The following DMXL2 variants were observed in gnomAD, a reference collection of about 807,000 sequenced individuals.
DMXL2 encodes the protein dmX-like protein 2.
Under a neutral mutation model 331.1 loss-of-function variants are expected in DMXL2, and 103 were observed. That is an observed-to-expected ratio of 0.31 (90% CI 0.27 to 0.37). The LOEUF is 0.37. Ranked by LOEUF, DMXL2 falls within the 10% of genes least tolerant of loss-of-function variation. The pLI is 1.00. For missense variants in DMXL2, 3,171 were observed against 3,642.9 expected, an observed-to-expected ratio of 0.87 and a Z score of 3.33; for synonymous variants, 1,281 against 1,252.1, an observed-to-expected ratio of 1.02 and a Z score of -0.49.
intron 23 of DMXL2, among the ~76,000 whole-genome samples, chr15:51,485,471 A>T (rs2042323889): frequency 6.6e-6 from 1 of 152,236 alleles, no homozygotes; most frequent in Admixed American, 6.5e-5. Flanking sequence ...TGTTTGTACA[A>T]CATACATATG....
At position 51,488,217 on chromosome 15, in the gene DMXL2, AAAG is replaced by A. The variant is rs554990148; in HGVS notation, c.5052-101_5052-99del. 6.0e-5 allele frequency: 68 copies of A among 1,131,342 alleles called. 1 individual carries two copies. The African/African-American group carries it at 8.6e-4, about 14-fold the overall frequency. 70.1% of individuals were successfully genotyped at this position (1,131,342 alleles called of 1,614,324 possible). ...AATAAAAACCTCAAACAGAAATCTA[AAAG>A]AAGAACAATAACTTCAAGGACAGGC... On this transcript the variant is annotated intron_variant, in intron 21 of 43. Transcript: ENST00000560891.
intron 6 of DMXL2, among the ~76,000 whole-genome samples, chr15:51,556,025 C>T (rs2049544324): frequency 6.6e-6 from 1 of 152,188 alleles, no homozygotes; most frequent in African/African-American, 2.4e-5. Flanking sequence ...GAATCTCACT[C>T]TAACACATAA....
chr15:51,622,431 T>C (rs1595798635), intron 1 of DMXL2, 28 bp downstream of exon 1: 1 of 1,551,734 alleles, frequency 6.4e-7, no homozygotes. Flanking sequence ...CCTGGTATCT[T>C]CCCCTAGGGC....
intron 6 of DMXL2, among the ~76,000 whole-genome samples, chr15:51,548,927 T>A (rs2049040996): frequency 6.6e-6 from 1 of 152,052 alleles, no homozygotes; most frequent in South Asian, 2.1e-4. Context: ...CTTTTTTTTT[T>A]AAGTTCACTT....
chr15:51,449,272 C>G lies in DMXL2; in HGVS notation c.8968-79G>C, dbSNP rs1035150487. ...AACATGGCCCTTCTGCTCCCTTGGCCCAAGTGATCTCACTAAAGCCCAACC... is the reference window on the plus strand; with the variant it reads ...AACATGGCCCTTCTGCTCCCTTGGCGCAAGTGATCTCACTAAAGCCCAACC... On this transcript the variant is annotated intron_variant, in intron 43 of 43. Transcript: ENST00000560891. The G allele has an allele frequency of 1.1e-5, 16 of 1,434,002 alleles. No homozygotes were observed. In the African/African-American group the frequency reaches 2.1e-4, roughly 19 times the overall value. 88.8% of individuals were successfully genotyped at this position (1,434,002 alleles called of 1,614,324 possible).
At chr15:51,578,630 C>T (rs1220533111) in intron 1 of DMXL2, among the ~76,000 whole-genome samples, 1 of 152,066 alleles carries the variant, frequency 6.6e-6, no homozygotes, top group African/African-American at 2.4e-5. Context: ...TACAATATAC[C>T]TTTTGATCAA....
chr15:51,613,120 T>C (rs1254463027), intron 1 of DMXL2, among the ~76,000 whole-genome samples: 1 of 152,226 alleles, frequency 6.6e-6, no homozygotes, highest in African/African-American at 2.4e-5. Context: ...AGATTTCATA[T>C]TGTTTAAACA....
At chr15:51,600,457 G>C (rs11070860) in intron 1 of DMXL2, among the ~76,000 whole-genome samples, 1 of 151,870 alleles carries the variant, frequency 6.6e-6, no homozygotes, top group African/African-American at 2.4e-5. Context: ...CTGGACCCCA[G>C]TAAAGGCTTT....
intron 42 of DMXL2, 102 bp from the exon 43 acceptor site, chr15:51,450,448 T>G: frequency 1.8e-6 from 2 of 1,088,386 alleles, no homozygotes; most frequent in Non-Finnish European, 2.7e-6. Context: ...TGATGCATTT[T>G]TCATTCTAAG....
At chr15:51,580,687 G>A (rs1045879730) in intron 1 of DMXL2, among the ~76,000 whole-genome samples, 2 of 152,106 alleles carry the variant, frequency 1.3e-5, no homozygotes, top group African/African-American at 4.8e-5. Flanking sequence ...CATTCATGTG[G>A]GAGGATTTGT....
chr15:51,469,335 T>C (rs1023928644), intron 29 of DMXL2, among the ~76,000 whole-genome samples: 2 of 152,180 alleles, frequency 1.3e-5, no homozygotes, highest in African/African-American at 2.4e-5. Context: ...AGCTACATGA[T>C]GGTAGATAAA....
chr15:51,542,639 T>A (rs1374327295), intron 8 of DMXL2, 132 bp from the exon 9 acceptor site: 4 of 624,860 alleles, frequency 6.4e-6, no homozygotes, highest in South Asian at 2.9e-5. Context: ...GGAAACTTTT[T>A]AAATTACAGT....
chr15:51,553,916 A>G (rs2049384051), intron 6 of DMXL2, among the ~76,000 whole-genome samples: 2 of 152,206 alleles, frequency 1.3e-5, no homozygotes, highest in African/African-American at 4.8e-5. Flanking sequence ...TGGAGACTCA[A>G]AAGTTAGACA....
At chr15:51,454,710 T>G (rs1304084613) in intron 40 of DMXL2, among the ~76,000 whole-genome samples, 2 of 152,178 alleles carry the variant, frequency 1.3e-5, no homozygotes, top group Non-Finnish European at 2.9e-5. Context: ...TTGGTCAGGC[T>G]GGTCTCGAAC....
rs1048182261 is a variant in DMXL2 at position 51,516,691 on chromosome 15, A to G, written c.2526+387T>C. Among the ~76,000 whole-genome samples, 4 of 152,340 alleles carry G rather than the reference A, an allele frequency of 2.6e-5. No homozygotes were observed. In the South Asian group the frequency reaches 6.2e-4, roughly 24 times the overall value. On this transcript the variant is annotated intron_variant, in intron 14 of 43. Transcript: ENST00000560891. ...GGGGTACAAGTGGTTTTTTTGTTAC[A>G]TGGATGAACTAGTAGTGAATTCTGA...
Position 51,500,209 on chromosome 15 carries a change from A to C in DMXL2, c.3015T>G (p.Ile1005Met). The C allele has an allele frequency of 6.2e-7, 1 of 1,603,802 alleles. No individual in the cohort carries two copies. Among genetic ancestry groups the C allele is most frequent in the Non-Finnish European group, 8.5e-7 (1 of 1,176,234 alleles). ...PSAGHLSSSS[I>M]YPVCLAPYLV... ...AATAAGGTGCAAGGCACACTGGATA[A>C]ATTGAAGAAGAACTCAGATGGCCTT... Residue 1005 changes from isoleucine (I) to methionine (M), a missense_variant, in exon 18 of 44, where the codon ATT (isoleucine) becomes ATG (methionine). Ile to Met is a conservative substitution (Grantham distance 10). Transcript: ENST00000560891.
Position 51,499,643 on chromosome 15 carries a change from T to A in DMXL2, c.3581A>T (p.Tyr1194Phe), listed in dbSNP as rs1417930160. ...AGTCACAATTCCTGAAAGCCTTCCA[T>A]ACATGAAGATATTCGCACCGACTCC... ...TVGVGANIFM[Y>F]GRLSGIVTEQ... The change falls in exon 18 of 44, where the codon TAT becomes TTT. Residue 1194 changes from tyrosine (Y) to phenylalanine (F), a missense_variant. Tyr to Phe is a conservative substitution (Grantham distance 22, BLOSUM62 3). Coordinates refer to ENST00000560891, the MANE Select transcript of DMXL2 (RefSeq NM_001378457.1). 1.9e-6 allele frequency: 3 copies of A among 1,614,062 alleles called. No individual in the cohort carries two copies. The highest frequency in any genetic ancestry group is 3.3e-5 in the Admixed American group (2 of 60,030).
At chr15:51,588,722 T>A (rs1077361) in intron 1 of DMXL2, among the ~76,000 whole-genome samples, 72,585 of 152,038 alleles carry the variant, frequency 0.48, 17,698 homozygotes, top group Non-Finnish European at 0.52. Flanking sequence ...ATTGTGATTA[T>A]ACTATTAAAC....
Position 51,536,308 on chromosome 15 carries a change from T to A in DMXL2, c.2172A>T (p.Glu724Asp). 1 of 1,614,104 alleles carries A rather than the reference T, an allele frequency of 6.2e-7. No homozygotes were observed. Among genetic ancestry groups the A allele is most frequent in the Non-Finnish European group, 8.5e-7 (1 of 1,179,968 alleles). Reference sequence around the variant, plus strand: ...TTGGGTCTACACGCCACAGAATAAGTTCACTGTAGATTGCATTTGGGTCAT... The same window carrying A: ...TTGGGTCTACACGCCACAGAATAAGATCACTGTAGATTGCATTTGGGTCAT... ...TFHDPNAIYS[E>D]LILWRVDPIG... is the part of the protein sequence containing the mutation. Residue 724 changes from glutamate to aspartate, a missense_variant, in exon 12 of 44, where the codon GAA becomes GAT. This residue lies in a region of DMXL2 where 1,674 missense variants were observed against 1,780.2 expected (regional missense o/e 0.94). Coordinates refer to ENST00000560891, the MANE Select transcript of DMXL2 (RefSeq NM_001378457.1).
Sources: gnomAD v4.1 joint callset for allele counts (sites outside exome capture counted in the v4.1 genomes callset) on GRCh38, gnomAD v4.1.1 for gene constraint, gnomAD v4.1.1 regional missense constraint, MANE v1.5 for transcripts, NCBI Gene and HGNC (gene_info 2026-07-23, HGNC 2026-07-21) for gene names.